The following LCE7A variants were observed in gnomAD, a reference collection of about 807,000 sequenced individuals.
LCE7A encodes the protein late cornified envelope protein 7A.
chr1:152,860,540 G>T, the LCE7A span, among the ~76,000 whole-genome samples: 1 of 152,168 alleles, frequency 6.6e-6, no homozygotes, highest in African/African-American at 2.4e-5. Context: ...TGTCAGGAAA[G>T]CAGGGCTGCT....
chr1:152,860,345 C>T, the LCE7A span, among the ~76,000 whole-genome samples: 58 of 152,104 alleles, frequency 3.8e-4, no homozygotes, highest in Non-Finnish European at 7.9e-4. Flanking sequence ...ACCATAGACT[C>T]AGGTTAAAAA....
chr1:152,861,176 C>G, the LCE7A span, among the ~76,000 whole-genome samples: 1 of 152,212 alleles, frequency 6.6e-6, no homozygotes, highest in South Asian at 2.1e-4. Context: ...TCAAGGAGAC[C>G]TGCATGCAAA....
chr1:152,860,600 C>A, the LCE7A span, among the ~76,000 whole-genome samples: 1 of 152,162 alleles, frequency 6.6e-6, no homozygotes, highest in South Asian at 2.1e-4. Flanking sequence ...TGTAGAATTT[C>A]GGGCTCTGTA....
chr1:152,860,289 T>G, the LCE7A span, among the ~76,000 whole-genome samples: 53 of 152,120 alleles, frequency 3.5e-4, no homozygotes, highest in African/African-American at 1.2e-3. Context: ...GTACAGCTCA[T>G]GATGCAAGAA....
chr1:152,861,110 G>A, the LCE7A span, among the ~76,000 whole-genome samples: 3 of 152,142 alleles, frequency 2.0e-5, no homozygotes, highest in Non-Finnish European at 4.4e-5. Flanking sequence ...CATAGGTGAT[G>A]GGCTCCCCCT....
At chr1:152,860,713 C>T in the LCE7A span, among the ~76,000 whole-genome samples, 1 of 152,198 alleles carries the variant, frequency 6.6e-6, no homozygotes, top group African/African-American at 2.4e-5. Context: ...CTATCAGAAA[C>T]ACCAGCAGAA....
chr1:152,860,883 C>T, the LCE7A span, among the ~76,000 whole-genome samples: 1 of 152,308 alleles, frequency 6.6e-6, no homozygotes, highest in South Asian at 2.1e-4. Context: ...TAGTTTCACT[C>T]CGGTTTCCAC....
the LCE7A span, among the ~76,000 whole-genome samples, chr1:152,861,052 C>A: frequency 6.6e-6 from 1 of 152,194 alleles, no homozygotes; most frequent in African/African-American, 2.4e-5. Context: ...TCTTCCCTCA[C>A]TCTTACCCTC....
the LCE7A span, among the ~76,000 whole-genome samples, chr1:152,860,054 T>C: frequency 2.1e-4 from 32 of 152,326 alleles, no homozygotes; most frequent in Admixed American, 1.8e-3. Flanking sequence ...ACTGATCTGA[T>C]GGCAGTTTGG....
the LCE7A span, among the ~76,000 whole-genome samples, chr1:152,860,911 C>A: frequency 9.6e-3 from 1,466 of 152,282 alleles, 23 homozygotes; most frequent in African/African-American, 0.034. Context: ...CCTGCGTCAG[C>A]CCCAGCATTC....
At chr1:152,860,783 C>G in the LCE7A span, among the ~76,000 whole-genome samples, 2 of 152,230 alleles carry the variant, frequency 1.3e-5, no homozygotes, top group African/African-American at 4.8e-5. Context: ...CCTCAGGCTC[C>G]TGCTTCATGT....
chr1:152,860,747 TC>T, the LCE7A span, among the ~76,000 whole-genome samples: 1 of 152,178 alleles, frequency 6.6e-6, no homozygotes, highest in African/African-American at 2.4e-5. Flanking sequence ...GCCAAGTGCC[TC>T]CCCAAATATC....
chr1:152,860,803 T>A, the LCE7A span, among the ~76,000 whole-genome samples: 2 of 152,198 alleles, frequency 1.3e-5, no homozygotes, highest in African/African-American at 4.8e-5. Context: ...TCCAGCTCCA[T>A]GCCCCCCTCC....
chr1:152,860,883 C>A, the LCE7A span, among the ~76,000 whole-genome samples: 1 of 152,190 alleles, frequency 6.6e-6, no homozygotes, highest in Non-Finnish European at 1.5e-5. Flanking sequence ...TAGTTTCACT[C>A]CGGTTTCCAC....
chr1:152,860,866 T>C, the LCE7A span, among the ~76,000 whole-genome samples: 1 of 152,186 alleles, frequency 6.6e-6, no homozygotes, highest in African/African-American at 2.4e-5. Context: ...TGGAGGCCAC[T>C]GCTCTCTAGT....
chr1:152,861,219 T>G, the LCE7A span, among the ~76,000 whole-genome samples: 1 of 152,220 alleles, frequency 6.6e-6, no homozygotes, highest in Non-Finnish European at 1.5e-5. Flanking sequence ...CTGATCTGTG[T>G]GCTAAAATAA....
chr1:152,860,929 T>TGTG, the LCE7A span, among the ~76,000 whole-genome samples: 2 of 152,218 alleles, frequency 1.3e-5, no homozygotes, highest in African/African-American at 4.8e-5. Flanking sequence ...TTCTGACTGC[T>TGTG]GTGAGCACGA....
the LCE7A span, among the ~76,000 whole-genome samples, chr1:152,860,161 C>A: frequency 2.0e-5 from 3 of 152,198 alleles, 1 homozygote; most frequent in Middle Eastern, 6.8e-3. Context: ...TCATGGCAAT[C>A]ATCGAGGTGG....
At chr1:152,861,232 C>T in the LCE7A span, among the ~76,000 whole-genome samples, 2 of 152,214 alleles carry the variant, frequency 1.3e-5, no homozygotes, top group Non-Finnish European at 2.9e-5. Context: ...TAAAATAAAG[C>T]TTATCTTTCC....
Sources: allele counts gnomAD v4.1 joint callset (sites outside exome capture counted in the v4.1 genomes callset), GRCh38; gene constraint gnomAD v4.1.1; transcripts MANE v1.5; gene names NCBI Gene and HGNC (gene_info 2026-07-23, HGNC 2026-07-21).